The following SLC35F4 variants were observed in gnomAD, a reference collection of about 807,000 sequenced individuals.
SLC35F4 encodes chromosome 14 open reading frame 36.
SLC35F4 carries 24 observed loss-of-function variants against 44.2 expected under a neutral mutation model. The ratio of observed to expected loss-of-function variants is 0.54; its 90% CI spans 0.39 to 0.76. The LOEUF (loss-of-function observed/expected upper bound fraction) is 0.76. Among genes scored for constraint, SLC35F4 ranks in the 30% least tolerant of loss-of-function variants. The pLI, the probability that SLC35F4 is intolerant of heterozygous loss-of-function variation, is 0.00. For missense variants in SLC35F4, 562 were observed against 586.1 expected, an observed-to-expected ratio of 0.96 and a Z score of 0.42; for synonymous variants, 238 against 223.6, an observed-to-expected ratio of 1.06 and a Z score of -0.57.
At chr14:57,811,929 T>G (rs765656994) in intron 1 of SLC35F4, among the ~76,000 whole-genome samples, 1 of 152,214 alleles carries the variant, frequency 6.6e-6, no homozygotes, top group African/African-American at 2.4e-5. Flanking sequence ...CTGCAGTGAG[T>G]TATGATCATG....
chr14:57,567,889 G>A (rs150279907), intron 6 of SLC35F4, among the ~76,000 whole-genome samples: 2 of 152,354 alleles, frequency 1.3e-5, no homozygotes, highest in Non-Finnish European at 2.9e-5. Flanking sequence ...TGAGAGGAGT[G>A]AGGCAAAGTA....
chr14:57,564,503 C>T, intron 7 of SLC35F4, 127 bp from the exon 8 acceptor site: 1 of 1,319,614 alleles, frequency 7.6e-7, no homozygotes, highest in Non-Finnish European at 1.0e-6. Flanking sequence ...GTTAGTGTTT[C>T]CTTTTTCCAC....
At chr14:57,877,896 G>A (rs1888436092) in intron 1 of SLC35F4, among the ~76,000 whole-genome samples, 1 of 151,684 alleles carries the variant, frequency 6.6e-6, no homozygotes, top group Non-Finnish European at 1.5e-5. Flanking sequence ...TGTTGGCCAG[G>A]CTGGTCTTGA....
At chr14:57,904,858 T>A (rs1824933652) in intron 1 of SLC35F4, among the ~76,000 whole-genome samples, 1 of 152,144 alleles carries the variant, frequency 6.6e-6, no homozygotes, top group Non-Finnish European at 1.5e-5. Context: ...CCTATGCTTT[T>A]CATTACTTCT....
chr14:57,795,097 G>C (rs75906023), intron 1 of SLC35F4, among the ~76,000 whole-genome samples: 2 of 152,066 alleles, frequency 1.3e-5, no homozygotes, highest in Non-Finnish European at 2.9e-5. Context: ...ATTTAAATGA[G>C]CTAATGTGTG....
intron 1 of SLC35F4, among the ~76,000 whole-genome samples, chr14:57,953,745 C>T (rs570416093): frequency 4.3e-4 from 66 of 152,288 alleles, no homozygotes; most frequent in African/African-American, 1.6e-3. Flanking sequence ...AATATATATG[C>T]ACCCAATACA....
intron 1 of SLC35F4, among the ~76,000 whole-genome samples, chr14:57,879,672 C>T (rs1206338417): frequency 1.3e-5 from 2 of 152,104 alleles, no homozygotes; most frequent in African/African-American, 4.8e-5. Flanking sequence ...CAAGCACATC[C>T]TCCATTAAAA....
chr14:57,753,756 C>T (rs2076935915), intron 1 of SLC35F4, among the ~76,000 whole-genome samples: 1 of 152,152 alleles, frequency 6.6e-6, no homozygotes, highest in Non-Finnish European at 1.5e-5. Flanking sequence ...TGATTCTCCA[C>T]CTGTCCCTCT....
At chr14:57,930,778 C>G (rs1889681730) in intron 1 of SLC35F4, among the ~76,000 whole-genome samples, 1 of 152,108 alleles carries the variant, frequency 6.6e-6, no homozygotes, top group African/African-American at 2.4e-5. Flanking sequence ...ATTTCAGAGG[C>G]AGGACAATGT....
At chr14:57,584,655 TA>T (rs2069561545) in intron 3 of SLC35F4, among the ~76,000 whole-genome samples, 1 of 152,196 alleles carries the variant, frequency 6.6e-6, no homozygotes. Flanking sequence ...GGTAGAGTGC[TA>T]AATCAGATTT....
intron 1 of SLC35F4, among the ~76,000 whole-genome samples, chr14:57,639,409 CT>C (rs1024442444): frequency 3.9e-5 from 6 of 151,962 alleles, no homozygotes; most frequent in African/African-American, 1.4e-4. Context: ...TTCCCCACCC[CT>C]ATGTTAATAT....
intron 1 of SLC35F4, among the ~76,000 whole-genome samples, chr14:57,722,787 A>T (rs1387438297): frequency 6.6e-6 from 1 of 152,214 alleles, no homozygotes. Context: ...TATAAGCAGA[A>T]AACTTCTAGG....
chr14:57,623,850 A>C (rs1291261102), intron 1 of SLC35F4, among the ~76,000 whole-genome samples: 1 of 152,236 alleles, frequency 6.6e-6, no homozygotes, highest in East Asian at 1.9e-4. Context: ...AGAAAGCAGG[A>C]AAGATCTAAA....
rs1037402012 is a variant in SLC35F4, at chr14:57,950,671, C to CTTTTT, written n.282+31241_282+31242insAAAAA. Among the ~76,000 whole-genome samples, 5 of 79,028 alleles carry CTTTTT rather than the reference C, an allele frequency of 6.3e-5. No homozygotes were observed. In the South Asian group the frequency reaches 1.6e-3, roughly 26 times the overall value. The allele number at this position is 79,028 out of a possible 152,430, so 51.8% of individuals were successfully genotyped here. On this transcript the variant is annotated intron_variant and non_coding_transcript_variant, in intron 1 of 1. Transcript: ENST00000556568. ...CATAGACTCTTTGTTTCTTTTCTTT[C>CTTTTT]TTTCTTTTTTTTTTTTGAGACAGAG...
intron 1 of SLC35F4, among the ~76,000 whole-genome samples, chr14:57,815,844 A>G (rs1020627096): frequency 6.6e-6 from 1 of 152,156 alleles, no homozygotes; most frequent in African/African-American, 2.4e-5. Context: ...AAATTTTTTT[A>G]AGTGTGGAAA....
intron 3 of SLC35F4, among the ~76,000 whole-genome samples, chr14:57,586,574 C>T (rs895841313): frequency 4.0e-5 from 6 of 151,324 alleles, no homozygotes; most frequent in South Asian, 2.1e-4. Context: ...AAAAATTAGC[C>T]GGGCGTGGTG....
At position 57,566,487 on chromosome 14, in the gene SLC35F4, G is replaced by A. The variant is rs201899051; in HGVS notation, c.1204C>T (p.Pro402Ser). The change falls in exon 7 of 8, where the codon CCT becomes TCT. Residue 402 changes from proline to serine, a missense_variant. Transcript: ENST00000556826. Reference sequence around the variant, plus strand: ...ATGGTGCCTGTACCTGCATTTCCAGGAACGCTGAGCACTGTCCCAATGGAG... The same window carrying A: ...ATGGTGCCTGTACCTGCATTTCCAGAAACGCTGAGCACTGTCCCAATGGAG... Reference protein sequence around the residue: ...LISIGTVLSVPGNAAVDLLKQ... With the variant: ...LISIGTVLSVSGNAAVDLLKQ... 257 of 1,594,212 alleles carry A rather than the reference G, an allele frequency of 1.6e-4. No homozygotes were observed. Among genetic ancestry groups the A allele is most frequent in the Non-Finnish European group, 2.1e-4 (240 of 1,170,386 alleles).
intron 1 of SLC35F4, chr14:57,630,094 GAAGATGCT>G: frequency 5.5e-6 from 3 of 544,826 alleles, no homozygotes; most frequent in Non-Finnish European, 1.1e-5. Context: ...TTGTGATGCT[GAAGATGCT>G]TACATAATTT....
chr14:57,755,021 A>C lies in SLC35F4; in HGVS notation c.103+110702T>G, dbSNP rs376057988. Among the ~76,000 whole-genome samples, 18 of 152,276 alleles carry C rather than the reference A, an allele frequency of 1.2e-4. No homozygotes were observed. The East Asian group carries it at 3.3e-3, about 28-fold the overall frequency. On this transcript the variant is annotated intron_variant, in intron 1 of 7. Transcript: ENST00000556826. The stretch of plus-strand genomic sequence containing the variant: ...AGGGAGCCCGGGCCCAGCAATGTAA[A>C]CTTCGTGGTGTGGAATGGTTCAGCA...
Sources: gnomAD v4.1 joint callset for allele counts (sites outside exome capture counted in the v4.1 genomes callset) on GRCh38, gnomAD v4.1.1 for gene constraint, MANE v1.5 for transcripts, NCBI Gene and HGNC (gene_info 2026-07-23, HGNC 2026-07-21) for gene names.